The following TSPEAR variants were observed in gnomAD, a reference collection of about 807,000 sequenced individuals.
The protein encoded by TSPEAR is thrombospondin-type laminin G domain and EAR repeat-containing protein.
A neutral mutation model predicts 71.6 loss-of-function variants in TSPEAR; 69 were observed. The ratio of observed to expected loss-of-function variants is 0.96; its 90% confidence interval spans 0.79 to 1.18. The LOEUF is 1.18. Among genes scored for constraint, TSPEAR ranks in the 50% most tolerant of loss-of-function variants. The pLI is 0.00. For missense variants in TSPEAR, 971 were observed against 894.9 expected, an observed-to-expected ratio of 1.09 and a Z score of -1.09; for synonymous variants, 402 against 387.2, an observed-to-expected ratio of 1.04 and a Z score of -0.45.
In TSPEAR at chr21:44,533,714, G is replaced by A; in HGVS notation, c.513C>T (p.Leu171=). 1.9e-6 allele frequency: 3 copies of A among 1,611,150 alleles called. No individual in the cohort carries two copies. Among genetic ancestry groups the A allele is most frequent in the Non-Finnish European group, 2.5e-6 (3 of 1,179,004 alleles). ...CCACCGGGAGGCCGCAGTCCGTGGTGAGGGAGAAGACGCCTGCGGACACAG... is the reference window on the plus strand; with the variant it reads ...CCACCGGGAGGCCGCAGTCCGTGGTAAGGGAGAAGACGCCTGCGGACACAG... ...VLAVSAGVFS[L]TTDCGLPVDI... Residue 171 remains leucine (L), a synonymous_variant, in exon 3 of 12, where the codon CTC becomes CTT. Transcript: ENST00000323084.
At position 44,503,548 on chromosome 21, in the gene TSPEAR, A is replaced by G. The variant is rs377668967; in HGVS notation, c.1856+1232T>C. Among the ~76,000 whole-genome samples the G allele has an allele frequency of 3.1e-4, 31 of 100,394 alleles. 1 individual carries two copies. The East Asian group carries it at 9.5e-3, about 31-fold the overall frequency. The allele number at this position is 100,394 out of a possible 152,430, so 65.9% of individuals were successfully genotyped here. On this transcript the variant is annotated intron_variant, in intron 11 of 11. Coordinates refer to ENST00000323084, the MANE Select transcript of TSPEAR (RefSeq NM_144991.3). ...GGGGGAAGCCGGCCTTGGTGAGCCC[A>G]CAGTGGGGAAGCAATGTGCTGGGAG...
At chr21:44,632,170 G>A (rs1027093555) in intron 1 of TSPEAR, among the ~76,000 whole-genome samples, 1 of 152,090 alleles carries the variant, frequency 6.6e-6, no homozygotes, top group East Asian at 1.9e-4. Flanking sequence ...CATTCAAGAA[G>A]CTCCATGAGC....
At chr21:44,517,483 G>A in intron 9 of TSPEAR, 1 of 292,684 alleles carries the variant, frequency 3.4e-6, no homozygotes, top group South Asian at 3.0e-5. Flanking sequence ...CAGCTAGGCT[G>A]GGTCATATGA....
chr21:44,690,922 A>G (rs1987097601), intron 1 of TSPEAR, among the ~76,000 whole-genome samples: 1 of 152,206 alleles, frequency 6.6e-6, no homozygotes, highest in Admixed American at 6.5e-5. Flanking sequence ...TCTTTTCAAA[A>G]TATTTTAAAG....
rs375300473 is a variant in TSPEAR, at chr21:44,531,065, C to A, written c.611G>T (p.Arg204Met). The change falls in exon 4 of 12, where the codon AGG becomes ATG. Residue 204 changes from arginine to methionine, a missense_variant. Coordinates refer to ENST00000323084, the MANE Select transcript of TSPEAR (RefSeq NM_144991.3). ...CGCCATGAACAGGCCTTTGGCTCTC[C>A]TCCGGCTGCCGACGAAGAATCGAGC... ...KGARFFVGSR[R>M]RAKGLFMGLV... 35 of 1,613,668 alleles carry A rather than the reference C, an allele frequency of 2.2e-5. No homozygotes were observed. In the African/African-American group the frequency reaches 4.0e-4, roughly 18 times the overall value.
chr21:44,600,592 A>C lies in TSPEAR; in HGVS notation c.83-32587T>G, dbSNP rs60692338. The C allele has an allele frequency of 5.3e-5, 84 of 1,596,920 alleles. No homozygotes were observed. The African/African-American group carries it at 1.0e-3, about 19-fold the overall frequency. On this transcript the variant is annotated intron_variant, in intron 1 of 11. Transcript: ENST00000323084. ...CACTCATTCACTCACTCACCCACTC[A>C]CTCCCATCTCCTCCAGTTCAATCCC... is the stretch of plus-strand genomic sequence containing the variant.
rs149921591 is a variant in TSPEAR at position 44,524,799 on chromosome 21, G to C, written c.1336+854C>G. ...TAGTAGTCAGTCAGAGAGTCAGGTA[G>C]TCATTCAGATAGACAGTCAGGTAGT... is the stretch of plus-strand genomic sequence containing the variant. On this transcript the variant is annotated intron_variant, in intron 8 of 11. Transcript: ENST00000323084. Among the ~76,000 whole-genome samples the C allele has an allele frequency of 1.4e-3, 207 of 151,892 alleles. 1 individual carries two copies. Among genetic ancestry groups the C allele is most frequent in the Middle Eastern group, 3.4e-3 (1 of 292 alleles).
chr21:44,646,279 T>A, intron 1 of TSPEAR: 1 of 847,434 alleles, frequency 1.2e-6, no homozygotes, highest in South Asian at 1.9e-5. Context: ...ATGATGCATC[T>A]CCAGCCACCA....
intron 1 of TSPEAR, among the ~76,000 whole-genome samples, chr21:44,696,821 G>A (rs1438260885): frequency 1.3e-5 from 2 of 152,158 alleles, no homozygotes; most frequent in Admixed American, 1.3e-4. Flanking sequence ...CCACGGTCCC[G>A]CTCAGTTCTG....
At chr21:44,676,507 C>A in intron 1 of TSPEAR, 1 of 785,460 alleles carries the variant, frequency 1.3e-6, no homozygotes, top group South Asian at 1.4e-5. Context: ...TCCTCTGAGT[C>A]TGGCATAGGC....
At chr21:44,638,041 C>G in intron 1 of TSPEAR, 1 of 1,611,452 alleles carries the variant, frequency 6.2e-7, no homozygotes, top group African/African-American at 1.3e-5. Context: ...CCGTCCCCTC[C>G]TGCGGTGCCT....
At position 44,627,569 on chromosome 21, in the gene TSPEAR, C is replaced by T. The variant is rs781975592; in HGVS notation, c.83-59564G>A. Reference sequence around the variant, plus strand: ...AGCTACCAGCCAGCTTGCTGTGCCTCTTCCTCCTGCCAGCCGGCCTGCTGT... The same window carrying T: ...AGCTACCAGCCAGCTTGCTGTGCCTTTTCCTCCTGCCAGCCGGCCTGCTGT... On this transcript the variant is annotated intron_variant, in intron 1 of 11. Coordinates refer to ENST00000323084, the MANE Select transcript of TSPEAR (RefSeq NM_144991.3). 17 of 1,613,350 alleles carry T rather than the reference C, an allele frequency of 1.1e-5. No individual in the cohort carries two copies. Among genetic ancestry groups the T allele is most frequent in the East Asian group, 2.2e-5 (1 of 44,870 alleles).
chr21:44,558,515 G>T, intron 2 of TSPEAR: 5 of 1,613,692 alleles, frequency 3.1e-6, no homozygotes, highest in Non-Finnish European at 4.2e-6. Flanking sequence ...AGCCTGACTG[G>T]CAGGGGCTGG....
intron 11 of TSPEAR, among the ~76,000 whole-genome samples, chr21:44,500,296 C>T (rs750974328): frequency 3.3e-5 from 5 of 152,194 alleles, no homozygotes; most frequent in African/African-American, 4.8e-5. Flanking sequence ...CACACGCAGG[C>T]CACCACGCAG....
rs992173167 is a variant in TSPEAR at position 44,676,370 on chromosome 21, G to T, written c.82+35063C>A. The T allele has an allele frequency of 9.8e-6, 11 of 1,127,442 alleles. No homozygotes were observed. In the South Asian group the frequency reaches 1.2e-4, roughly 13 times the overall value. 69.8% of individuals were successfully genotyped at this position (1,127,442 alleles called of 1,614,324 possible). On this transcript the variant is annotated intron_variant, in intron 1 of 11. Transcript: ENST00000323084. ...ATGGCCTCAACTGCACTACCCAGTG[G>T]GACAGCAGGCATTTCTGCAGATGAG... is the stretch of plus-strand genomic sequence containing the variant.
intron 1 of TSPEAR, among the ~76,000 whole-genome samples, chr21:44,650,195 G>A (rs972346247): frequency 2.0e-5 from 3 of 147,764 alleles, no homozygotes; most frequent in African/African-American, 7.5e-5. Context: ...CAGCCTGGGT[G>A]ACCAGGCAAG....
intron 11 of TSPEAR, among the ~76,000 whole-genome samples, chr21:44,501,312 T>C (rs1230189590): frequency 6.6e-6 from 1 of 150,656 alleles, no homozygotes; most frequent in Admixed American, 6.6e-5. Context: ...TAGCCAGGCA[T>C]GGGCTAGGCG....
intron 1 of TSPEAR, among the ~76,000 whole-genome samples, chr21:44,631,831 G>A (rs1188909592): frequency 2.0e-5 from 3 of 152,214 alleles, no homozygotes; most frequent in African/African-American, 7.2e-5. Context: ...GTCAGAAGAA[G>A]AGCAGAGAGA....
rs797028933 is a variant in TSPEAR, at chr21:44,549,170, G to T, written c.304-15247C>A. ...ATTGGCTAAACATTTAGGGGAAGGGGTCGTCTGCGGCGAGCTAGAGAGTCA... is the reference window on the plus strand; with the variant it reads ...ATTGGCTAAACATTTAGGGGAAGGGTTCGTCTGCGGCGAGCTAGAGAGTCA... On this transcript the variant is annotated intron_variant, in intron 2 of 11. Transcript: ENST00000323084. 3.9e-5 allele frequency among the ~76,000 whole-genome samples: 6 copies of T among 152,324 alleles called. No individual in the cohort carries two copies. In the East Asian group the frequency reaches 1.2e-3, roughly 29 times the overall value.
Sources: allele counts gnomAD v4.1 joint callset (sites outside exome capture counted in the v4.1 genomes callset), GRCh38; gene constraint gnomAD v4.1.1; transcripts MANE v1.5; gene names NCBI Gene and HGNC (gene_info 2026-07-23, HGNC 2026-07-21).